Variants in NDUFA10 observed in about 807,000 individuals in gnomAD.
The protein encoded by NDUFA10 is NADH:ubiquinone oxidoreductase subunit A10, also known as NADH dehydrogenase [ubiquinone] 1 alpha subcomplex subunit 10, mitochondrial.
Under a neutral mutation model 47.8 loss-of-function variants are expected in NDUFA10, and 40 were observed. The observed-to-expected ratio is 0.84, with a 90% CI of 0.65 to 1.09. NDUFA10 has a LOEUF of 1.09. Ranked by LOEUF, NDUFA10 falls within the 50% of genes least tolerant of loss-of-function variation. The probability of loss-of-function intolerance (pLI) is 0.00; values close to 1 mark genes in which losing one functional copy is unlikely to be tolerated. For missense variants in NDUFA10, 413 were observed against 451.1 expected (o/e 0.92, Z 0.76); for synonymous variants, 183 against 172.2 (o/e 1.06, Z -0.49).
chr2:240,004,644 C>CTCTCCTCGT (rs1360930256), intron 8 of NDUFA10, among the ~76,000 whole-genome samples: 1 of 152,076 alleles, frequency 6.6e-6, no homozygotes, highest in African/African-American at 2.4e-5. Flanking sequence ...CTGTGGCCTC[C>CTCTCCTCGT]CCTCCCCACA....
intron 8 of NDUFA10, among the ~76,000 whole-genome samples, chr2:239,997,868 G>A (rs1279604164): frequency 1.3e-5 from 2 of 152,312 alleles, no homozygotes; most frequent in East Asian, 1.9e-4. Context: ...AGCAGCTGAC[G>A]GCTGGATCTG....
chr2:239,942,063 C>T (rs1050874318), intron 4 of NDUFA10, among the ~76,000 whole-genome samples: 4 of 152,232 alleles, frequency 2.6e-5, no homozygotes, highest in African/African-American at 9.6e-5. Flanking sequence ...TGTGCACAAA[C>T]TATTTCACTT....
Position 240,006,239 on chromosome 2 carries a change from A to G in NDUFA10, c.805-944T>C, listed in dbSNP as rs192054294. Among the ~76,000 whole-genome samples, 74 of 152,358 alleles carry G rather than the reference A, an allele frequency of 4.9e-4. 1 individual carries two copies. The South Asian group carries it at 7.2e-3, about 15-fold the overall frequency. On this transcript the variant is annotated intron_variant, in intron 7 of 9. Coordinates refer to ENST00000252711, the MANE Select transcript of NDUFA10 (RefSeq NM_004544.4). Reference sequence around the variant, plus strand: ...TAAACAGTCTCTCAAAGGTATATAAATACTCTAAAAACAGAAACAGAAGGC... The same window carrying G: ...TAAACAGTCTCTCAAAGGTATATAAGTACTCTAAAAACAGAAACAGAAGGC...
chr2:239,998,205 C>CT (rs1696557764), intron 8 of NDUFA10, among the ~76,000 whole-genome samples: 1 of 152,276 alleles, frequency 6.6e-6, no homozygotes, highest in East Asian at 1.9e-4. Flanking sequence ...CTCTCATCCA[C>CT]TTTGTCATTT....
chr2:239,988,284 T>C (rs1025755139), intron 9 of NDUFA10, among the ~76,000 whole-genome samples: 13 of 151,996 alleles, frequency 8.6e-5, no homozygotes, highest in Non-Finnish European at 1.3e-4. Flanking sequence ...GAAGCACCAC[T>C]AAAGGTAAAG....
rs1204254463 is a variant in NDUFA10 at position 239,957,633 on chromosome 2, T to C, written c.*3485A>G. On this transcript the variant is annotated 3_prime_UTR_variant, in exon 10 of 10. Coordinates refer to ENST00000252711, the MANE Select transcript of NDUFA10 (RefSeq NM_004544.4). ...AATTTGACAGTTTCATTTGTCTTCC[T>C]ATTAGAACCCTTAAATCAGCCTCCT... 2 of 152,284 alleles carry C rather than the reference T, an allele frequency of 1.3e-5. No individual in the cohort carries two copies. The highest frequency in any genetic ancestry group is 3.8e-4 in the East Asian group (2 of 5,202). 9.4% of individuals were successfully genotyped at this position (152,284 alleles called of 1,614,324 possible).
chr2:239,967,062 G>A (rs1389882488), intron 9 of NDUFA10, among the ~76,000 whole-genome samples: 2 of 152,016 alleles, frequency 1.3e-5, no homozygotes, highest in Admixed American at 6.6e-5. Context: ...AAATAACACC[G>A]ATGTGCCCCC....
intron 5 of NDUFA10, chr2:240,013,429 T>C (rs1697216209): frequency 6.6e-6 from 1 of 152,282 alleles, no homozygotes; most frequent in East Asian, 1.9e-4. Context: ...GAATGTTAAA[T>C]GTATGACTTT....
intron 9 of NDUFA10, among the ~76,000 whole-genome samples, chr2:239,985,163 AAAC>A (rs1695948276): frequency 6.6e-6 from 1 of 152,222 alleles, no homozygotes; most frequent in East Asian, 1.9e-4. Context: ...CGCCAAGATT[AAAC>A]AACCCCAAAC....
intron 4 of NDUFA10, among the ~76,000 whole-genome samples, chr2:239,901,585 C>T (rs1404310652): frequency 6.6e-6 from 1 of 151,890 alleles, no homozygotes; most frequent in African/African-American, 2.4e-5. Flanking sequence ...AATACAACAT[C>T]CATTCTTCAG....
At chr2:239,963,013 G>C (rs1694915516) in intron 9 of NDUFA10, among the ~76,000 whole-genome samples, 1 of 152,172 alleles carries the variant, frequency 6.6e-6, no homozygotes, top group African/African-American at 2.4e-5. Flanking sequence ...GATCTGGAGG[G>C]ACAGACATCC....
intron 1 of NDUFA10, among the ~76,000 whole-genome samples, chr2:240,022,922 C>CAA (rs1312942900): frequency 6.6e-6 from 1 of 152,150 alleles, no homozygotes; most frequent in Non-Finnish European, 1.5e-5. Flanking sequence ...ACCTAACAAG[C>CAA]AAAAGAGAGC....
chr2:239,936,414 T>G (rs568290217), intron 4 of NDUFA10, among the ~76,000 whole-genome samples: 6 of 152,358 alleles, frequency 3.9e-5, no homozygotes, highest in African/African-American at 1.4e-4. Flanking sequence ...AGGAGGCTGC[T>G]CTGCGTGACA....
chr2:239,963,683 G>A (rs967830109), intron 9 of NDUFA10, among the ~76,000 whole-genome samples: 18 of 152,334 alleles, frequency 1.2e-4, no homozygotes, highest in African/African-American at 4.1e-4. Flanking sequence ...TGACCCGTGG[G>A]CAGTTGGAAA....
intron 6 of NDUFA10, among the ~76,000 whole-genome samples, chr2:240,010,318 T>C (rs940605208): frequency 6.6e-6 from 1 of 152,158 alleles, no homozygotes; most frequent in Non-Finnish European, 1.5e-5. Flanking sequence ...GCTTGAGGCT[T>C]AACGAGTCTA....
At position 239,915,615 on chromosome 2, in the gene NDUFA10, TACACAG is replaced by T. The variant is rs1312053353; in HGVS notation, c.295-20307_295-20302del. On this transcript the variant is annotated intron_variant, in intron 4 of 5. Coordinates refer to the NDUFA10 transcript ENST00000419408. ...AGATACACATACACACACACACACA[TACACAG>T]ACACACACAAATATACAGACACACA... Among the ~76,000 whole-genome samples the T allele has an allele frequency of 2.2e-3, 261 of 117,488 alleles. 1 individual carries two copies. Among genetic ancestry groups the T allele is most frequent in the East Asian group, 7.6e-3 (29 of 3,792 alleles). 77.1% of individuals were successfully genotyped at this position (117,488 alleles called of 152,430 possible). A position where few individuals can be genotyped will look rare whatever the true frequency, so the allele number is the denominator to read the frequency against.
At chr2:239,913,061 C>T (rs1401785865) in intron 4 of NDUFA10, among the ~76,000 whole-genome samples, 1 of 145,066 alleles carries the variant, frequency 6.9e-6, no homozygotes, top group Non-Finnish European at 1.5e-5. Context: ...ACCTCTGCCA[C>T]TCGGGGCCAC....
intron 4 of NDUFA10, among the ~76,000 whole-genome samples, chr2:239,941,012 G>A (rs1470846734): frequency 6.6e-6 from 1 of 152,190 alleles, no homozygotes; most frequent in Non-Finnish European, 1.5e-5. Context: ...CTGCAGCACT[G>A]CAGGCCGTCT....
In NDUFA10 at chr2:240,016,309, C is replaced by T. The variant is rs953075293; in HGVS notation, c.548-1449G>A. On this transcript the variant is annotated intron_variant, in intron 4 of 9. Transcript: ENST00000252711. This position sits in a 1 kb window ranked among gnomAD's most constrained non-coding sequence, Gnocchi z 4.4. ...CGGGTCTGCTTCCTGACTGCTGGAC[C>T]GGTAGCAGGCCGGTCTCTCCTGCTG... Among the ~76,000 whole-genome samples, 6 of 152,144 alleles carry T rather than the reference C, an allele frequency of 3.9e-5. No homozygotes were observed. Among genetic ancestry groups the T allele is most frequent in the East Asian group, 1.9e-4 (1 of 5,164 alleles).
Sources: allele counts gnomAD v4.1 joint callset (sites outside exome capture counted in the v4.1 genomes callset), GRCh38; gene constraint gnomAD v4.1.1; non-coding constraint Gnocchi (gnomAD v3.1); transcripts MANE v1.5; gene names NCBI Gene and HGNC (gene_info 2026-07-23, HGNC 2026-07-21).